The following CNTNAP2 variants were observed in gnomAD, a reference collection of about 807,000 sequenced individuals.
CNTNAP2 encodes the protein contactin associated protein 2, also known as contactin-associated protein-like 2.
In CNTNAP2, 98 loss-of-function variants were observed where a neutral mutation model predicts 155.2. The observed-to-expected ratio is 0.63, with a 90% CI of 0.54 to 0.75. CNTNAP2 has a LOEUF of 0.75. Among genes scored for constraint, CNTNAP2 ranks in the 30% least tolerant of loss-of-function variants. The pLI is 0.00. For missense variants in CNTNAP2, 1,727 were observed against 1,688.1 expected (o/e 1.02, Z -0.40); for synonymous variants, 651 against 631.2 (o/e 1.03, Z -0.47).
At chr7:147,171,745 A>G (rs1214099169) in intron 8 of CNTNAP2, among the ~76,000 whole-genome samples, 1 of 152,176 alleles carries the variant, frequency 6.6e-6, no homozygotes, top group Non-Finnish European at 1.5e-5. Flanking sequence ...AAACCAAATA[A>G]GAAGTTTCGA....
At chr7:146,794,104 C>T (rs1305623719) in intron 2 of CNTNAP2, among the ~76,000 whole-genome samples, 16 of 152,158 alleles carry the variant, frequency 1.1e-4, no homozygotes, top group African/African-American at 3.9e-4. Flanking sequence ...CAGATTGACT[C>T]AAAGCATTAG....
At chr7:147,632,459 G>A (rs866002711) in intron 12 of CNTNAP2, among the ~76,000 whole-genome samples, 22 of 152,134 alleles carry the variant, frequency 1.4e-4, no homozygotes, top group African/African-American at 5.3e-4. Flanking sequence ...GGTTTTATAA[G>A]GGGCTTTTCT....
intron 1 of CNTNAP2, among the ~76,000 whole-genome samples, chr7:146,674,514 A>T (rs116135912): frequency 0.13 from 18,276 of 143,726 alleles, 3,369 homozygotes; most frequent in African/African-American, 0.42. Flanking sequence ...AAAAAAATTA[A>T]AAAAAAAAGC....
At chr7:147,081,111 T>C (rs1800115740) in intron 4 of CNTNAP2, 2 of 152,116 alleles carry the variant, frequency 1.3e-5, no homozygotes, top group African/African-American at 4.8e-5. Context: ...CCAACAGCTA[T>C]GAAGAAGGTG....
chr7:146,700,788 G>A (rs1350754140), intron 1 of CNTNAP2, among the ~76,000 whole-genome samples: 2 of 152,102 alleles, frequency 1.3e-5, no homozygotes, highest in African/African-American at 4.8e-5. Flanking sequence ...CACCATAAAT[G>A]TGCATCCACA....
At chr7:147,794,994 C>T (rs1222239663) in intron 13 of CNTNAP2, among the ~76,000 whole-genome samples, 1 of 151,474 alleles carries the variant, frequency 6.6e-6, no homozygotes. Context: ...CTTGGTGAGT[C>T]TAGTTCACAG....
chr7:146,887,322 T>G (rs1291762387), intron 3 of CNTNAP2, among the ~76,000 whole-genome samples: 1 of 151,836 alleles, frequency 6.6e-6, no homozygotes, highest in East Asian at 1.9e-4. Flanking sequence ...CTGATTCTGT[T>G]TTATGTTTTG....
intron 1 of CNTNAP2, among the ~76,000 whole-genome samples, chr7:146,274,233 C>T (rs2129083821): frequency 6.6e-6 from 1 of 152,260 alleles, no homozygotes; most frequent in Non-Finnish European, 1.5e-5. Flanking sequence ...CAATGCCAGC[C>T]ATGGGCAGGG....
At chr7:146,317,850 A>C (rs1418744395) in intron 1 of CNTNAP2, among the ~76,000 whole-genome samples, 1 of 152,244 alleles carries the variant, frequency 6.6e-6, no homozygotes, top group East Asian at 1.9e-4. Context: ...TCCAATAAAA[A>C]GATGAAATTG....
chr7:146,553,555 C>T (rs1042089935), intron 1 of CNTNAP2, among the ~76,000 whole-genome samples: 1 of 151,956 alleles, frequency 6.6e-6, no homozygotes, highest in African/African-American at 2.4e-5. Context: ...CACTTTTTAT[C>T]TATTTTTAGA....
intron 2 of CNTNAP2, among the ~76,000 whole-genome samples, chr7:146,779,800 T>G (rs1031158994): frequency 6.6e-6 from 1 of 152,196 alleles, no homozygotes; most frequent in African/African-American, 2.4e-5. Flanking sequence ...TGATGTTGTT[T>G]TCACATTAGT....
At chr7:147,804,639 T>C (rs974874761) in intron 13 of CNTNAP2, among the ~76,000 whole-genome samples, 2 of 151,952 alleles carry the variant, frequency 1.3e-5, no homozygotes, top group African/African-American at 2.4e-5. Flanking sequence ...CTGCAACCTC[T>C]GCCTCCCAGG....
At position 148,130,649 on chromosome 7, in the gene CNTNAP2, A is replaced by G. The variant is rs539969979; in HGVS notation, c.2554+12361A>G. On this transcript the variant is annotated intron_variant, in intron 16 of 23. Coordinates refer to ENST00000361727, the MANE Select transcript of CNTNAP2 (RefSeq NM_014141.6). ...CAAGTTTTTTTCCCCTACTCCATAC[A>G]AGCTTTGCCCCTCACCCACCAGCAC... Among the ~76,000 whole-genome samples the G allele has an allele frequency of 1.2e-4, 18 of 152,184 alleles. 2 individuals are homozygous for G. In the South Asian group the frequency reaches 3.7e-3, roughly 32 times the overall value.
At chr7:148,001,207 G>T (rs922269519) in intron 15 of CNTNAP2, among the ~76,000 whole-genome samples, 1 of 152,160 alleles carries the variant, frequency 6.6e-6, no homozygotes, top group African/African-American at 2.4e-5. Flanking sequence ...TGCTACAATG[G>T]CCAAGAAACA....
At chr7:146,610,261 G>C (rs185484058) in intron 1 of CNTNAP2, among the ~76,000 whole-genome samples, 10 of 152,166 alleles carry the variant, frequency 6.6e-5, no homozygotes, top group African/African-American at 9.7e-5. Flanking sequence ...TCCTAGGAGA[G>C]AGCAGAGCCC....
chr7:146,257,201 G>T (rs1301842642), intron 1 of CNTNAP2, among the ~76,000 whole-genome samples: 1 of 152,108 alleles, frequency 6.6e-6, no homozygotes, highest in Non-Finnish European at 1.5e-5. Flanking sequence ...CTAATTTCAT[G>T]AATATAAAGG....
At chr7:147,408,298 G>C (rs1797043449) in intron 10 of CNTNAP2, among the ~76,000 whole-genome samples, 1 of 152,186 alleles carries the variant, frequency 6.6e-6, no homozygotes, top group Non-Finnish European at 1.5e-5. Context: ...TGGCAGAGGA[G>C]CAGTTCAAGG....
At chr7:147,704,311 T>C (rs1796278183) in intron 13 of CNTNAP2, 1 of 166,314 alleles carries the variant, frequency 6.0e-6, no homozygotes, top group Non-Finnish European at 1.4e-5. Context: ...TATTCTCTGA[T>C]TTTCTTGTCA....
At chr7:146,560,522 A>G (rs572577163) in intron 1 of CNTNAP2, among the ~76,000 whole-genome samples, 2 of 152,154 alleles carry the variant, frequency 1.3e-5, no homozygotes, top group South Asian at 2.1e-4. Context: ...CATTTCATAC[A>G]TGGCTAATTA....
Sources: gnomAD v4.1 joint callset for allele counts (sites outside exome capture counted in the v4.1 genomes callset) on GRCh38, gnomAD v4.1.1 for gene constraint, MANE v1.5 for transcripts, NCBI Gene and HGNC (gene_info 2026-07-23, HGNC 2026-07-21) for gene names.